KAZN: variants seen among roughly 807,000 people sequenced by gnomAD.
KAZN encodes kazrin, periplakin interacting protein, also known as kazrin.
In KAZN, 40 loss-of-function variants were observed where a neutral mutation model predicts 87.4. That is an observed-to-expected ratio of 0.46 (90% CI 0.36 to 0.60). The LOEUF (loss-of-function observed/expected upper bound fraction) is 0.60, where lower values mean the gene tolerates loss of function less well. Among genes scored for constraint, KAZN ranks in the 20% least tolerant of loss-of-function variants. The pLI is 0.00. For missense variants in KAZN, 898 were observed against 1,073.9 expected, an observed-to-expected ratio of 0.84 and a Z score of 2.29; for synonymous variants, 466 against 458.3, an observed-to-expected ratio of 1.02 and a Z score of -0.22.
chr1:14,812,728 T>G (rs1421437037), intron 1 of KAZN, among the ~76,000 whole-genome samples: 1 of 152,014 alleles, frequency 6.6e-6, no homozygotes, highest in Non-Finnish European at 1.5e-5. Context: ...TTGCCCAGAC[T>G]GGTCTCAAAT....
chr1:14,710,800 T>C (rs1346861212), intron 1 of KAZN, among the ~76,000 whole-genome samples: 3 of 152,240 alleles, frequency 2.0e-5, no homozygotes, highest in East Asian at 1.9e-4. Flanking sequence ...ATGAAAGTTC[T>C]GGGACAGCGA....
chr1:14,497,285 A>G (rs571861847), intron 2 of KAZN, among the ~76,000 whole-genome samples: 76 of 114,902 alleles, frequency 6.6e-4, no homozygotes, highest in African/African-American at 2.4e-3. Context: ...GACTGTTTTT[A>G]TTGCAGTTGT....
chr1:13,941,069 C>CT (rs1418313229), intron 1 of KAZN, among the ~76,000 whole-genome samples: 2 of 152,056 alleles, frequency 1.3e-5, no homozygotes, highest in African/African-American at 4.8e-5. Context: ...TAGCACATGC[C>CT]TATAATCCCA....
At chr1:14,539,240 T>C (rs952656935) in intron 2 of KAZN, among the ~76,000 whole-genome samples, 2 of 152,164 alleles carry the variant, frequency 1.3e-5, no homozygotes, top group African/African-American at 2.4e-5. Context: ...TTCCCGGCAA[T>C]ACACTGACAA....
chr1:14,924,004 C>T, intron 1 of KAZN: 1 of 531,356 alleles, frequency 1.9e-6, no homozygotes, highest in Non-Finnish European at 2.3e-6. Flanking sequence ...CGGGGCGACG[C>T]GGCGGCGCTC....
At chr1:13,916,929 C>T (rs769420393) in intron 1 of KAZN, among the ~76,000 whole-genome samples, 2 of 152,066 alleles carry the variant, frequency 1.3e-5, no homozygotes, top group Non-Finnish European at 2.9e-5. Context: ...AGACTTTGTA[C>T]ACATGTGGAG....
At chr1:14,515,540 TC>T (rs1671255328) in intron 2 of KAZN, among the ~76,000 whole-genome samples, 1 of 152,050 alleles carries the variant, frequency 6.6e-6, no homozygotes, top group Admixed American at 6.6e-5. Flanking sequence ...GGCTTCTGCC[TC>T]CCCTCCATCC....
chr1:13,906,129 A>T (rs1639428102), intron 1 of KAZN, among the ~76,000 whole-genome samples: 1 of 152,078 alleles, frequency 6.6e-6, no homozygotes, highest in Admixed American at 6.6e-5. Flanking sequence ...GAAAAAAGAG[A>T]CCCTTGTCCC....
intron 1 of KAZN, among the ~76,000 whole-genome samples, chr1:14,633,381 A>C (rs1266356215): frequency 6.6e-6 from 1 of 152,172 alleles, no homozygotes; most frequent in Non-Finnish European, 1.5e-5. Flanking sequence ...GAATCAGAGA[A>C]GGCCGTGTGA....
At position 14,735,738 on chromosome 1, in the gene KAZN, T is replaced by A. The variant is rs147671846; in HGVS notation, c.226+136515T>A. ...AAGCGGCATGCCGGGTAATAGCCAC[T>A]CTTGCACGGCAAAGGAGAAATGTCC... On this transcript the variant is annotated intron_variant, in intron 1 of 14. Coordinates refer to ENST00000376030, the MANE Select transcript of KAZN (RefSeq NM_201628.3). This position sits in a 1 kb window ranked among gnomAD's most constrained non-coding sequence, Gnocchi z 4.3. Among the ~76,000 whole-genome samples, 419 of 152,294 alleles carry A rather than the reference T, an allele frequency of 2.8e-3. 3 individuals are homozygous for A. Among genetic ancestry groups the A allele is most frequent in the African/African-American group, 9.8e-3 (406 of 41,568 alleles).
intron 2 of KAZN, among the ~76,000 whole-genome samples, chr1:14,490,198 C>T (rs141856566): frequency 1.3e-5 from 2 of 152,320 alleles, no homozygotes; most frequent in South Asian, 2.1e-4. Context: ...TCTTATCTTC[C>T]ACCCTTTTGT....
chr1:14,699,149 G>A (rs1385661352), intron 1 of KAZN, among the ~76,000 whole-genome samples: 1 of 151,578 alleles, frequency 6.6e-6, no homozygotes, highest in African/African-American at 2.4e-5. Context: ...GAAGGTCCAG[G>A]ATCATGAGAT....
At chr1:15,050,955 G>C (rs543588688) in intron 4 of KAZN, among the ~76,000 whole-genome samples, 1 of 152,214 alleles carries the variant, frequency 6.6e-6, no homozygotes, top group African/African-American at 2.4e-5. Flanking sequence ...ATCTGTGAAA[G>C]AGGGTCCCAG....
chr1:14,126,746 G>A (rs1366697067), intron 1 of KAZN, among the ~76,000 whole-genome samples: 1 of 152,302 alleles, frequency 6.6e-6, no homozygotes, highest in Non-Finnish European at 1.5e-5. Context: ...CTGATCTGAT[G>A]TTCCTCCTTG....
chr1:14,442,575 G>A (rs1666763181), intron 2 of KAZN, among the ~76,000 whole-genome samples: 1 of 152,176 alleles, frequency 6.6e-6, no homozygotes, highest in Admixed American at 6.5e-5. Context: ...GTTGCTGCTG[G>A]GTTAACCTGG....
chr1:14,517,563 T>C (rs1671362832), intron 2 of KAZN, among the ~76,000 whole-genome samples: 1 of 152,242 alleles, frequency 6.6e-6, no homozygotes, highest in South Asian at 2.1e-4. Context: ...TAGCGCCATT[T>C]GTGACTCACA....
At chr1:14,583,476 G>A (rs1229642858) in intron 2 of KAZN, among the ~76,000 whole-genome samples, 1 of 152,238 alleles carries the variant, frequency 6.6e-6, no homozygotes, top group Non-Finnish European at 1.5e-5. Flanking sequence ...GGACAGAGAA[G>A]CTGGCAGGTA....
chr1:14,909,827 C>T (rs1657041498), intron 1 of KAZN, among the ~76,000 whole-genome samples: 1 of 152,132 alleles, frequency 6.6e-6, no homozygotes, highest in African/African-American at 2.4e-5. Flanking sequence ...GGCGGATCAC[C>T]TGAGCTCAGG....
intron 1 of KAZN, among the ~76,000 whole-genome samples, chr1:14,933,745 C>G (rs1463885062): frequency 6.6e-6 from 1 of 152,072 alleles, no homozygotes; most frequent in Non-Finnish European, 1.5e-5. Flanking sequence ...TGGTTTCAAG[C>G]CATCCTCCTG....
Sources: gnomAD v4.1 joint callset for allele counts (sites outside exome capture counted in the v4.1 genomes callset) on GRCh38, gnomAD v4.1.1 for gene constraint, Gnocchi (gnomAD v3.1) non-coding constraint, MANE v1.5 for transcripts, NCBI Gene and HGNC (gene_info 2026-07-23, HGNC 2026-07-21) for gene names.